ZNF518B: variants seen among roughly 807,000 people sequenced by gnomAD.
ZNF518B encodes zinc finger protein 518B.
In ZNF518B, 23 loss-of-function variants were observed where a neutral mutation model predicts 56.3. That is an observed-to-expected ratio of 0.41 (90% CI 0.29 to 0.58). ZNF518B has a LOEUF of 0.58. ZNF518B is among the 20% of genes least tolerant of loss of function. ZNF518B has a pLI of 0.32. For missense variants in ZNF518B, 1,460 were observed against 1,272.1 expected (o/e 1.15, Z -2.25); for synonymous variants, 529 against 465.9 (o/e 1.14, Z -1.74).
upstream of ZNF518B, among the ~76,000 whole-genome samples, chr4:10,460,002 C>T (rs1170085084): frequency 1.3e-5 from 2 of 152,036 alleles, no homozygotes; most frequent in African/African-American, 4.8e-5. Context: ...TTCACTCATG[C>T]ATTCAACAAA....
At position 10,446,084 on chromosome 4, in the gene ZNF518B, C is replaced by A; in HGVS notation, c.245G>T (p.Gly82Val). 6.2e-7 allele frequency: 1 copy of A among 1,614,142 alleles called. No homozygotes were observed. The highest frequency in any genetic ancestry group is 8.5e-7 in the Non-Finnish European group (1 of 1,180,034). ...QDLQKGTGKD[G>V]MYVCFQCSLG... ...GCTGCACTGGAAGCAGACATACATA[C>A]CGTCCTTCCCTGTACCCTTCTGCAA... Residue 82 changes from glycine (G) to valine (V), a missense_variant, in exon 3 of 3, where the codon GGT becomes GTT. By Grantham distance (109) the Gly-to-Val change is moderately radical. Transcript: ENST00000326756.
chr4:10,460,325 C>CAAAAAAAAAAAAAAAAAAAAAAAAAAAAA (rs1043723933), upstream of ZNF518B, among the ~76,000 whole-genome samples: 5 of 57,598 alleles, frequency 8.7e-5, 1 homozygote, highest in Non-Finnish European at 1.3e-4. Flanking sequence ...AAAAAAAAAC[C>CAAAAAAAAAAAAAAAAAAAAAAAAAAAAA]AAAAAAAAAA....
chr4:10,452,754 G>A (rs995545020), intron 2 of ZNF518B: 4 of 152,098 alleles, frequency 2.6e-5, no homozygotes, highest in African/African-American at 9.7e-5. Flanking sequence ...ATTTAAAAGA[G>A]GAAAAAAATC....
At chr4:10,455,772 A>G (rs115855467) in intron 1 of ZNF518B, among the ~76,000 whole-genome samples, 2 of 152,216 alleles carry the variant, frequency 1.3e-5, no homozygotes, top group Non-Finnish European at 2.9e-5. Flanking sequence ...TCTACGCAAA[A>G]AAGTGTTATT....
chr4:10,446,040 TG>T lies in ZNF518B; in HGVS notation c.288del (p.Asn97IlefsTer5). The T allele has an allele frequency of 1.2e-6, 2 of 1,614,100 alleles. No individual in the cohort carries two copies. The highest frequency in any genetic ancestry group is 1.7e-6 in the Non-Finnish European group (2 of 1,180,022). On this transcript the variant is annotated frameshift_variant, in exon 3 of 3. Transcript: ENST00000326756. LOFTEE classifies it low-confidence loss of function (END_TRUNC). Reference sequence around the variant, plus strand: ...GAATTATTGCTCACAAAATGAAAATTGGGAGGAGCTGCACCGAGGCTGCACT... The same window carrying T: ...GAATTATTGCTCACAAAATGAAAATTGGAGGAGCTGCACCGAGGCTGCACT... ...CFQCSLGAAPPNFHFVSNNSS... is the reference protein window; with the variant it reads ...CFQCSLGAAPXNFHFVSNNSS...
At position 10,440,290 on chromosome 4, in the gene ZNF518B, T is replaced by TG. The variant is rs1263447132; in HGVS notation, c.*2813_*2814insC. 2.5e-5 allele frequency: 2 copies of TG among 80,272 alleles called. No homozygotes were observed. The highest frequency in any genetic ancestry group is 7.8e-5 in the Non-Finnish European group (2 of 25,608). The allele number at this position is 80,272 out of a possible 1,614,324, so 5.0% of individuals were successfully genotyped here. A position where few individuals can be genotyped will look rare whatever the true frequency, so the allele number is the denominator to read the frequency against. On this transcript the variant is annotated 3_prime_UTR_variant, in exon 3 of 3. Coordinates refer to ENST00000326756, the MANE Select transcript of ZNF518B (RefSeq NM_053042.3). ...TATCAGAGTATACTTTGGGTCAGGT[T>TG]TTTTTTTTTTAACTTTTACTGTATT... is the stretch of plus-strand genomic sequence containing the variant.
chr4:10,446,421 G>T lies in ZNF518B; in HGVS notation c.-93C>A, dbSNP rs1370490757. On this transcript the variant is annotated 5_prime_UTR_variant, in exon 3 of 3. Transcript: ENST00000326756. ...GATATCCTTCTATACAGTTTGTGATGGGTAGGGGCGCAGCTACTTCTTGGG... is the reference window on the plus strand; with the variant it reads ...GATATCCTTCTATACAGTTTGTGATTGGTAGGGGCGCAGCTACTTCTTGGG... 8.3e-7 allele frequency: 1 copy of T among 1,200,736 alleles called. No homozygotes were observed. Among genetic ancestry groups the T allele is most frequent in the Non-Finnish European group, 1.2e-6 (1 of 843,048 alleles). 74.4% of individuals were successfully genotyped at this position (1,200,736 alleles called of 1,614,324 possible).
At chr4:10,457,473 G>C (rs1162820047), upstream of ZNF518B, 1 of 152,174 alleles carries the variant, frequency 6.6e-6, no homozygotes, top group Non-Finnish European at 1.5e-5. Flanking sequence ...CGCGGCTCCA[G>C]CGAGGCCGGC....
In ZNF518B at chr4:10,446,017, A is replaced by G. The variant is rs1715029603; in HGVS notation, c.312T>C (p.Asn104=). ...APPNFHFVSN[N]SSATHVGNKT... Reference sequence around the variant, plus strand: ...TATTTCCAACATGAGTCGCACTGGAATTATTGCTCACAAAATGAAAATTGG... The same window carrying G: ...TATTTCCAACATGAGTCGCACTGGAGTTATTGCTCACAAAATGAAAATTGG... Residue 104 remains asparagine, a synonymous_variant, in exon 3 of 3, where the codon AAT becomes AAC. Transcript: ENST00000326756. 1 of 1,614,022 alleles carries G rather than the reference A, an allele frequency of 6.2e-7. No homozygotes were observed. Among genetic ancestry groups the G allele is most frequent in the Non-Finnish European group, 8.5e-7 (1 of 1,180,052 alleles).
chr4:10,446,076 C>A lies in ZNF518B; in HGVS notation c.253G>T (p.Val85Phe). 1 of 1,614,188 alleles carries A rather than the reference C, an allele frequency of 6.2e-7. No individual in the cohort carries two copies. Among genetic ancestry groups the A allele is most frequent in the African/African-American group, 1.3e-5 (1 of 75,056 alleles). Residue 85 changes from valine to phenylalanine, a missense_variant, in exon 3 of 3, where the codon GTC becomes TTC. Transcript: ENST00000326756. ...QKGTGKDGMY[V>F]CFQCSLGAAP... is the part of the protein sequence containing the mutation. Reference sequence around the variant, plus strand: ...GCACCGAGGCTGCACTGGAAGCAGACATACATACCGTCCTTCCCTGTACCC... The same window carrying A: ...GCACCGAGGCTGCACTGGAAGCAGAAATACATACCGTCCTTCCCTGTACCC...
At chr4:10,447,814 T>C (rs553021874) in intron 2 of ZNF518B, among the ~76,000 whole-genome samples, 34 of 152,208 alleles carry the variant, frequency 2.2e-4, no homozygotes, top group African/African-American at 7.9e-4. Flanking sequence ...CATGCCCAGC[T>C]AATTTTGTAT....
intron 2 of ZNF518B, chr4:10,454,090 A>ACTTG (rs1715433024): frequency 6.6e-6 from 1 of 152,248 alleles, no homozygotes; most frequent in Non-Finnish European, 1.5e-5. Context: ...CTGATACTAC[A>ACTTG]GGTGCAGGTG....
chr4:10,445,226 T>A lies in ZNF518B; in HGVS notation c.1103A>T (p.Glu368Val). ...QLVLKLFPLEENNCLEAGRDN... is the reference protein window; with the variant it reads ...QLVLKLFPLEVNNCLEAGRDN... Reference sequence around the variant, plus strand: ...CCTCCCAGCTTCAAGGCAATTATTTTCTTCCAGCGGAAACAGTTTCAGAAC... The same window carrying A: ...CCTCCCAGCTTCAAGGCAATTATTTACTTCCAGCGGAAACAGTTTCAGAAC... Residue 368 changes from glutamate (E) to valine (V), a missense_variant, in exon 3 of 3, where the codon GAA becomes GTA. Physicochemically the swap from Glu to Val is moderately radical, Grantham distance 121. Coordinates refer to ENST00000326756, the MANE Select transcript of ZNF518B (RefSeq NM_053042.3). 6.2e-7 allele frequency: 1 copy of A among 1,614,220 alleles called. No individual in the cohort carries two copies. Among genetic ancestry groups the A allele is most frequent in the Non-Finnish European group, 8.5e-7 (1 of 1,180,040 alleles).
Position 10,444,493 on chromosome 4 carries a change from C to T in ZNF518B, c.1836G>A (p.Gly612=). Residue 612 remains glycine, a synonymous_variant, in exon 3 of 3, where the codon GGG becomes GGA. Transcript: ENST00000326756. The stretch of plus-strand genomic sequence containing the variant: ...AATTCTTTAATTCCAAAGGCTTATC[C>T]CCAGGCTGTTGAGATCTATCTTCTC... ...ITGEDRSQQP[G]DKPLELKNSE... 1.2e-6 allele frequency: 2 copies of T among 1,614,112 alleles called. No homozygotes were observed. Among genetic ancestry groups the T allele is most frequent in the Middle Eastern group, 1.6e-4 (1 of 6,062 alleles).
In ZNF518B at chr4:10,443,665, T is replaced by A; in HGVS notation, c.2664A>T (p.Arg888Ser). The change falls in exon 3 of 3, where the codon AGA (arginine) becomes AGT (serine). Residue 888 changes from arginine (R) to serine (S), a missense_variant. Arg to Ser is a moderately radical substitution (Grantham distance 110, BLOSUM62 -1). Transcript: ENST00000326756. Reference protein sequence around the residue: ...RLLSRSLSISRNKTKQVHLSR... With the variant: ...RLLSRSLSISSNKTKQVHLSR... Reference sequence around the variant, plus strand: ...ATAAGTGTACTTGTTTGGTTTTATTTCTACTTATAGAAAGACTTCTGGAAA... The same window carrying A: ...ATAAGTGTACTTGTTTGGTTTTATTACTACTTATAGAAAGACTTCTGGAAA... 6.2e-7 allele frequency: 1 copy of A among 1,614,062 alleles called. No homozygotes were observed.
rs552269984 is a variant in ZNF518B, at chr4:10,453,435, CT to C, written c.-212+1369del. On this transcript the variant is annotated intron_variant, in intron 2 of 2. Coordinates refer to ENST00000326756, the MANE Select transcript of ZNF518B (RefSeq NM_053042.3). Reference sequence around the variant, plus strand: ...TATTTTGGAGATTGACTTGACACTGCTGTGCACATCAACTGAGTCTACATCA... The same window carrying C: ...TATTTTGGAGATTGACTTGACACTGCGTGCACATCAACTGAGTCTACATCA... The C allele has an allele frequency of 9.2e-5, 14 of 152,176 alleles. No individual in the cohort carries two copies. In the East Asian group the frequency reaches 2.7e-3, roughly 29 times the overall value. 9.4% of individuals were successfully genotyped at this position (152,176 alleles called of 1,614,324 possible).
chr4:10,443,821 G>A lies in ZNF518B; in HGVS notation c.2508C>T (p.Ser836=). 1 of 1,614,170 alleles carries A rather than the reference G, an allele frequency of 6.2e-7. No homozygotes were observed. The highest frequency in any genetic ancestry group is 8.5e-7 in the Non-Finnish European group (1 of 1,180,032). Residue 836 remains serine (S), a synonymous_variant, in exon 3 of 3, where the codon TCC becomes TCT. Transcript: ENST00000326756. ...LRSERGPIDM[S]PNIETPLRPK... ...GCCGCAGAGGTGTCTCGATATTTGG[G>A]GACATATCTATTGGCCCCCTTTCAC...
chr4:10,445,266 C>T lies in ZNF518B; in HGVS notation c.1063G>A (p.Gly355Ser), dbSNP rs879026074. 2 of 1,613,908 alleles carry T rather than the reference C, an allele frequency of 1.2e-6. No homozygotes were observed. Among genetic ancestry groups the T allele is most frequent in the Non-Finnish European group, 8.5e-7 (1 of 1,179,922 alleles). ...AGTTTCAGAACAAGCTGCTGTGTAC[C>T]ATTGACAACCTTCACATCTATCAAC... ...AQLIDVKVVN[G>S]TQQLVLKLFP... The change falls in exon 3 of 3, where the codon GGT becomes AGT. Residue 355 changes from glycine to serine, a missense_variant. Physicochemically the swap from Gly to Ser is moderately conservative, Grantham distance 56 (BLOSUM62 0). Coordinates refer to ENST00000326756, the MANE Select transcript of ZNF518B (RefSeq NM_053042.3).
At position 10,443,051 on chromosome 4, in the gene ZNF518B, C is replaced by T. The variant is rs935138704; in HGVS notation, c.*53G>A. 1 of 1,507,236 alleles carries T rather than the reference C, an allele frequency of 6.6e-7. No homozygotes were observed. The highest frequency in any genetic ancestry group is 1.3e-5 in the South Asian group (1 of 78,648). The allele number at this position is 1,507,236 out of a possible 1,614,324, so 93.4% of individuals were successfully genotyped here. On this transcript the variant is annotated 3_prime_UTR_variant, in exon 3 of 3. Coordinates refer to ENST00000326756, the MANE Select transcript of ZNF518B (RefSeq NM_053042.3). ...CTTCTACTGAATCTTGGTGGAGGGA[C>T]TCCAAACCAGAATAAACTAAAAGAT...
Sources: allele counts gnomAD v4.1 joint callset (sites outside exome capture counted in the v4.1 genomes callset), GRCh38; gene constraint gnomAD v4.1.1; transcripts MANE v1.5; gene names NCBI Gene and HGNC (gene_info 2026-07-23, HGNC 2026-07-21).